LRRC4C: variants seen among roughly 807,000 people sequenced by gnomAD.
LRRC4C encodes leucine-rich repeat-containing protein 4C.
LRRC4C carries 5 observed loss-of-function variants against 33.6 expected under a neutral mutation model. The ratio of observed to expected loss-of-function variants is 0.15; its 90% CI spans 0.08 to 0.31. The LOEUF (loss-of-function observed/expected upper bound fraction) is 0.31. Among genes scored for constraint, LRRC4C ranks in the 10% least tolerant of loss-of-function variants. LRRC4C has a pLI of 1.00. For synonymous variants in LRRC4C, 329 were observed against 302.0 expected (o/e 1.09, Z -0.93); for missense variants, 560 against 796.7 (o/e 0.70, Z 3.58).
At chr11:40,263,066 CA>C (rs1293287187) in intron 4 of LRRC4C, among the ~76,000 whole-genome samples, 1 of 151,884 alleles carries the variant, frequency 6.6e-6, no homozygotes, top group Non-Finnish European at 1.5e-5. Context: ...ATTCACAACT[CA>C]AACAGAGAAA....
At chr11:40,767,942 C>T (rs576657534) in intron 2 of LRRC4C, among the ~76,000 whole-genome samples, 1 of 151,804 alleles carries the variant, frequency 6.6e-6, no homozygotes, top group East Asian at 1.9e-4. Flanking sequence ...CAAACCCAAA[C>T]CATTTCTTCT....
rs557363465 is a variant in LRRC4C at position 40,595,288 on chromosome 11, G to GACTT, written c.-270+52850_-270+52853dup. 9.2e-4 allele frequency among the ~76,000 whole-genome samples: 140 copies of GACTT among 152,104 alleles called. 4 individuals carry two copies. In the South Asian group the frequency reaches 0.027, roughly 30 times the overall value. On this transcript the variant is annotated intron_variant, in intron 3 of 6. Coordinates refer to ENST00000528697, the MANE Select transcript of LRRC4C (RefSeq NM_001258419.2). ...GATAAATATAAATTAGGACGGTAGG[G>GACTT]ACTTACATGCTGGAAAGACTGACTT...
At chr11:41,318,598 G>T (rs1950863894) in intron 1 of LRRC4C, among the ~76,000 whole-genome samples, 1 of 152,020 alleles carries the variant, frequency 6.6e-6, no homozygotes, top group Non-Finnish European at 1.5e-5. Context: ...GCCCACTTTT[G>T]CTCTGAGGTG....
chr11:40,140,535 AT>A (rs1202060966), intron 6 of LRRC4C, among the ~76,000 whole-genome samples: 1 of 152,168 alleles, frequency 6.6e-6, no homozygotes, highest in Non-Finnish European at 1.5e-5. Flanking sequence ...AGCAGGGAAC[AT>A]GAGGCTGTTT....
chr11:40,182,711 A>T (rs1007417068), intron 5 of LRRC4C, among the ~76,000 whole-genome samples: 2 of 152,234 alleles, frequency 1.3e-5, no homozygotes, highest in Non-Finnish European at 2.9e-5. Context: ...CACAATGAAA[A>T]CATCCCAAAT....
intron 1 of LRRC4C, among the ~76,000 whole-genome samples, chr11:41,023,231 A>C (rs930985787): frequency 3.0e-4 from 45 of 151,972 alleles, no homozygotes; most frequent in Non-Finnish European, 1.3e-4. Flanking sequence ...CATATTAACA[A>C]ATTTAAATAG....
intron 1 of LRRC4C, among the ~76,000 whole-genome samples, chr11:41,218,284 C>T (rs1051345636): frequency 6.6e-6 from 1 of 152,146 alleles, no homozygotes; most frequent in Non-Finnish European, 1.5e-5. Context: ...ACTTACTTTA[C>T]TTAAGAATCA....
At chr11:40,709,726 T>C (rs576894186) in intron 2 of LRRC4C, among the ~76,000 whole-genome samples, 9 of 152,118 alleles carry the variant, frequency 5.9e-5, no homozygotes, top group Non-Finnish European at 1.2e-4. Context: ...TGAATTTGAA[T>C]GTTGGCTTGC....
chr11:41,415,165 G>A (rs1168258261), intron 1 of LRRC4C, among the ~76,000 whole-genome samples: 1 of 152,090 alleles, frequency 6.6e-6, no homozygotes, highest in Non-Finnish European at 1.5e-5. Flanking sequence ...AATGAGTTGG[G>A]TTTAGAAGTA....
At chr11:40,254,770 C>T (rs1230680490) in intron 4 of LRRC4C, among the ~76,000 whole-genome samples, 1 of 152,068 alleles carries the variant, frequency 6.6e-6, no homozygotes, top group African/African-American at 2.4e-5. Context: ...GGGAGAGAGA[C>T]AGAAAGAGAC....
At chr11:40,280,026 T>C (rs527567877) in intron 4 of LRRC4C, among the ~76,000 whole-genome samples, 2 of 152,298 alleles carry the variant, frequency 1.3e-5, no homozygotes, top group Non-Finnish European at 2.9e-5. Flanking sequence ...TGTGCATATT[T>C]GCAGGGAAGT....
chr11:41,242,888 T>C (rs1948308407), intron 1 of LRRC4C, among the ~76,000 whole-genome samples: 1 of 152,216 alleles, frequency 6.6e-6, no homozygotes, highest in Non-Finnish European at 1.5e-5. Flanking sequence ...GCATTGTATT[T>C]ATTTAATGCT....
chr11:40,348,287 A>C (rs976717984), intron 3 of LRRC4C, among the ~76,000 whole-genome samples: 6 of 151,896 alleles, frequency 4.0e-5, no homozygotes, highest in Middle Eastern at 3.4e-3. Context: ...AAAAAAACCC[A>C]AAAAATCTGT....
At chr11:40,254,635 G>T (rs368472214) in intron 4 of LRRC4C, among the ~76,000 whole-genome samples, 1 of 152,102 alleles carries the variant, frequency 6.6e-6, no homozygotes, top group African/African-American at 2.4e-5. Context: ...TATGATATAC[G>T]CATATGAATA....
At chr11:40,747,463 G>GTA (rs1948484842) in intron 2 of LRRC4C, among the ~76,000 whole-genome samples, 1 of 151,952 alleles carries the variant, frequency 6.6e-6, no homozygotes, top group South Asian at 2.1e-4. Context: ...TACACCAGAT[G>GTA]TATATATATA....
At chr11:41,041,873 C>A (rs1565327933) in intron 1 of LRRC4C, among the ~76,000 whole-genome samples, 1 of 152,156 alleles carries the variant, frequency 6.6e-6, no homozygotes. Context: ...CAAACACTGA[C>A]ACATATGATC....
chr11:40,839,481 G>A (rs1952820780), intron 2 of LRRC4C, among the ~76,000 whole-genome samples: 1 of 152,088 alleles, frequency 6.6e-6, no homozygotes, highest in Admixed American at 6.6e-5. Context: ...GCTGACCTCA[G>A]GTGATCTGCC....
chr11:41,380,871 T>C (rs1431957100), intron 1 of LRRC4C, among the ~76,000 whole-genome samples: 1 of 152,172 alleles, frequency 6.6e-6, no homozygotes, highest in East Asian at 1.9e-4. Context: ...ATCTGCAATG[T>C]CAGGATAGGT....
chr11:40,986,280 G>A (rs1024613318), intron 1 of LRRC4C, among the ~76,000 whole-genome samples: 1 of 152,134 alleles, frequency 6.6e-6, no homozygotes, highest in Non-Finnish European at 1.5e-5. Context: ...TTTAAAAGGT[G>A]AAAAGTCCAA....
Sources: gnomAD v4.1 joint callset for allele counts (sites outside exome capture counted in the v4.1 genomes callset) on GRCh38, gnomAD v4.1.1 for gene constraint, MANE v1.5 for transcripts, NCBI Gene and HGNC (gene_info 2026-07-23, HGNC 2026-07-21) for gene names.